Variants in COL13A1 observed in about 807,000 individuals in gnomAD.
COL13A1 encodes the protein collagen alpha-1(XIII) chain.
Under a neutral mutation model 130.9 loss-of-function variants are expected in COL13A1, and 89 were observed. That is an observed-to-expected ratio of 0.68 (90% CI 0.57 to 0.81). The LOEUF (loss-of-function observed/expected upper bound fraction) is 0.81, where lower values mean the gene tolerates loss of function less well. Among genes scored for constraint, COL13A1 ranks in the 30% least tolerant of loss-of-function variants. The pLI is 0.00. For missense variants in COL13A1, 879 were observed against 934.6 expected, an observed-to-expected ratio of 0.94 and a Z score of 0.78; for synonymous variants, 402 against 341.6, an observed-to-expected ratio of 1.18 and a Z score of -1.95.
intron 25 of COL13A1, 70 bp from the exon 26 acceptor site, chr10:69,925,734 G>C: frequency 8.6e-7 from 1 of 1,167,978 alleles, no homozygotes; most frequent in South Asian, 1.3e-5. Flanking sequence ...GGCTGATAGA[G>C]AGCAGGCCAC....
chr10:69,937,218 T>A (rs530634788), intron 33 of COL13A1, among the ~76,000 whole-genome samples: 17 of 152,158 alleles, frequency 1.1e-4, no homozygotes, highest in Admixed American at 2.6e-4. Context: ...GATGTGACAA[T>A]GGCCCTTTCC....
chr10:69,877,573 C>T (rs1299344539), intron 5 of COL13A1: 1 of 170,610 alleles, frequency 5.9e-6, no homozygotes, highest in African/African-American at 2.4e-5. Flanking sequence ...CAGCTGGGGC[C>T]ATGGCTTCTG....
intron 40 of COL13A1, among the ~76,000 whole-genome samples, 156 bp downstream of exon 40, chr10:69,957,198 C>T (rs185410933): frequency 1.2e-3 from 188 of 152,364 alleles, no homozygotes; most frequent in African/African-American, 4.2e-3. Context: ...ATCCCATACA[C>T]TGCATGCTGT....
At chr10:69,949,757 A>G (rs1446361638) in intron 38 of COL13A1, among the ~76,000 whole-genome samples, 1 of 152,214 alleles carries the variant, frequency 6.6e-6, no homozygotes, top group Non-Finnish European at 1.5e-5. Context: ...GTAAGAAATC[A>G]GTCAAAAGAT....
At chr10:69,877,696 CTCTCACA>C (rs2059723875) in intron 5 of COL13A1, 1 of 104,708 alleles carries the variant, frequency 9.6e-6, no homozygotes, top group African/African-American at 4.8e-5. Context: ...CTCTCTCTCT[CTCTCACA>C]CACACACACA....
At chr10:69,925,929 T>A (rs1447120345) in intron 26 of COL13A1, 57 bp downstream of exon 26, 1 of 1,437,750 alleles carries the variant, frequency 7.0e-7, no homozygotes, top group Non-Finnish European at 9.6e-7. Flanking sequence ...CTCTGCACCA[T>A]GCCCTGATCA....
At chr10:69,852,492 T>C (rs1855155036) in intron 2 of COL13A1, among the ~76,000 whole-genome samples, 2 of 152,274 alleles carry the variant, frequency 1.3e-5, no homozygotes, top group African/African-American at 4.8e-5. Context: ...GCTCGACTGC[T>C]AGAAGATGTC....
chr10:69,887,057 T>G (rs983916231), intron 7 of COL13A1, among the ~76,000 whole-genome samples: 3 of 152,168 alleles, frequency 2.0e-5, no homozygotes, highest in South Asian at 2.1e-4. Context: ...CCATGAGCAA[T>G]GACTGTGTAA....
intron 3 of COL13A1, among the ~76,000 whole-genome samples, chr10:69,869,032 A>G (rs1396420280): frequency 2.0e-5 from 3 of 151,440 alleles, no homozygotes; most frequent in Admixed American, 6.6e-5. Context: ...CCTCACCCCC[A>G]GGGGCAGGAT....
intron 24 of COL13A1, 94 bp from the exon 25 acceptor site, chr10:69,924,869 A>G: frequency 3.2e-6 from 4 of 1,263,818 alleles, no homozygotes; most frequent in Non-Finnish European, 4.2e-6. Context: ...AGCTAAGATG[A>G]GCCTCCTGGC....
chr10:69,930,538 C>T lies in COL13A1; in HGVS notation c.1669C>T (p.Gln557Ter). 2 of 1,613,354 alleles carry T rather than the reference C, an allele frequency of 1.2e-6. No individual in the cohort carries two copies. Among genetic ancestry groups the T allele is most frequent in the Non-Finnish European group, 1.7e-6 (2 of 1,179,644 alleles). ...GEKGEKGETG[Q>*]AGSPGEKGEA... ...GAAGGGGGAAAAAGGGGAGACAGGA[C>T]AAGCAGGCTCACCGGTGAGTGGCAG... The change falls in exon 30 of 41, where the codon CAA (glutamine) becomes TAA (stop). Residue 557 changes from glutamine (Q) to a stop codon, truncating the protein, a stop_gained. Transcript: ENST00000645393. LOFTEE classifies it high-confidence loss of function.
intron 13 of COL13A1, among the ~76,000 whole-genome samples, chr10:69,896,440 G>A (rs2061651757): frequency 6.6e-6 from 1 of 152,120 alleles, no homozygotes; most frequent in Admixed American, 6.5e-5. Context: ...CCCAGACCTG[G>A]ACAGCAGGGA....
intron 32 of COL13A1, among the ~76,000 whole-genome samples, chr10:69,935,655 C>T (rs1441721339): frequency 6.6e-6 from 1 of 152,180 alleles, no homozygotes. Flanking sequence ...AAGCTCTGCC[C>T]AACATTTACC....
intron 2 of COL13A1, among the ~76,000 whole-genome samples, chr10:69,852,570 C>T (rs1427446587): frequency 1.3e-5 from 2 of 152,250 alleles, no homozygotes; most frequent in African/African-American, 4.8e-5. Flanking sequence ...TGGCTCAGTA[C>T]GTGGCCCTTG....
At chr10:69,912,727 C>G (rs1392898465) in intron 17 of COL13A1, among the ~76,000 whole-genome samples, 1 of 152,216 alleles carries the variant, frequency 6.6e-6, no homozygotes, top group Non-Finnish European at 1.5e-5. Flanking sequence ...CCCCGTGCTT[C>G]CCTGGCCTGA....
At chr10:69,936,906 G>C in intron 33 of COL13A1, 124 bp downstream of exon 33, 5 of 1,095,670 alleles carry the variant, frequency 4.6e-6, no homozygotes, top group Non-Finnish European at 6.7e-6. Context: ...AGGGGGTCCA[G>C]TCAGGGCAGG....
rs1185642080 is a variant in COL13A1, at chr10:69,875,140, G to T, written c.412G>T (p.Ala138Ser). Residue 138 changes from alanine (A) to serine (S), a missense_variant, in exon 5 of 41, where the codon GCC becomes TCC. By Grantham distance (99) the Ala-to-Ser change is moderately conservative. Coordinates refer to ENST00000645393, the MANE Select transcript of COL13A1 (RefSeq NM_001368882.1). Reference sequence around the variant, plus strand: ...CCTTCATCATCAGGGGGACAAAGGTGCCATTGGGATGCCTGGACGTGTGGT... The same window carrying T: ...CCTTCATCATCAGGGGGACAAAGGTTCCATTGGGATGCCTGGACGTGTGGT... ...GRPGLPGDKG[A>S]IGMPGRVGVK... The T allele has an allele frequency of 6.2e-7, 1 of 1,614,006 alleles. No individual in the cohort carries two copies.
chr10:69,862,770 C>T (rs79759140), intron 2 of COL13A1, among the ~76,000 whole-genome samples: 9,993 of 152,190 alleles, frequency 0.066, 407 homozygotes, highest in Admixed American at 0.088. Flanking sequence ...CAGCCTTGAA[C>T]GCACCATAAA....
chr10:69,889,547 C>T (rs2060956760), intron 10 of COL13A1, 107 bp downstream of exon 10: 1 of 1,402,446 alleles, frequency 7.1e-7, no homozygotes, highest in Non-Finnish European at 9.9e-7. Context: ...ACAGGAATGG[C>T]TGTCCATGCT....
Sources: gnomAD v4.1 joint callset for allele counts (sites outside exome capture counted in the v4.1 genomes callset) on GRCh38, gnomAD v4.1.1 for gene constraint, MANE v1.5 for transcripts, NCBI Gene and HGNC (gene_info 2026-07-23, HGNC 2026-07-21) for gene names.